The following EXOC2 variants were observed in gnomAD, a reference collection of about 807,000 sequenced individuals.
The protein encoded by EXOC2 is SEC5-like 1.
Under a neutral mutation model 131.8 loss-of-function variants are expected in EXOC2, and 70 were observed. That is an observed-to-expected ratio of 0.53 (90% CI 0.44 to 0.65). The LOEUF (loss-of-function observed/expected upper bound fraction) is 0.65, where lower values mean the gene tolerates loss of function less well. Among genes scored for constraint, EXOC2 ranks in the 30% least tolerant of loss-of-function variants. EXOC2 has a pLI of 0.00. For missense variants in EXOC2, 923 were observed against 1,108.6 expected (o/e 0.83, Z 2.38); for synonymous variants, 411 against 398.4 (o/e 1.03, Z -0.38).
At chr6:676,397 T>G (rs9378461) in intron 1 of EXOC2, among the ~76,000 whole-genome samples, 1 of 126 alleles carries the variant, frequency 7.9e-3, no homozygotes, top group Non-Finnish European at 0.017. Context: ...CAGGTTCCTC[T>G]GGTGACTCTG....
chr6:684,866 T>C (rs538158952), intron 1 of EXOC2, among the ~76,000 whole-genome samples: 2 of 152,264 alleles, frequency 1.3e-5, no homozygotes, highest in African/African-American at 4.8e-5. Context: ...TTTTTACTAT[T>C]TAGTAATGAA....
At chr6:536,167 T>A (rs964682767) in intron 22 of EXOC2, among the ~76,000 whole-genome samples, 8 of 152,178 alleles carry the variant, frequency 5.3e-5, no homozygotes, top group Admixed American at 4.6e-4. Flanking sequence ...TCCTAGTCCA[T>A]GAGATCTGGC....
chr6:671,046 C>T, intron 1 of EXOC2, among the ~76,000 whole-genome samples: 1 of 69,470 alleles, frequency 1.4e-5, no homozygotes, highest in South Asian at 5.2e-4. Flanking sequence ...GAGACTCCAT[C>T]TCAAAAAAAA....
At chr6:531,730 G>A (rs577421609) in intron 23 of EXOC2, among the ~76,000 whole-genome samples, 1 of 152,308 alleles carries the variant, frequency 6.6e-6, no homozygotes, top group South Asian at 2.1e-4. Flanking sequence ...ATCTGCATAT[G>A]TACACCCATG....
At chr6:689,841 G>C (rs1764834759) in intron 1 of EXOC2, among the ~76,000 whole-genome samples, 2 of 152,180 alleles carry the variant, frequency 1.3e-5, no homozygotes, top group Non-Finnish European at 2.9e-5. Flanking sequence ...TATAAGACAA[G>C]TGCTAGGTGG....
intron 6 of EXOC2, among the ~76,000 whole-genome samples, chr6:613,238 T>C (rs190219929): frequency 6.4e-4 from 97 of 152,332 alleles, no homozygotes; most frequent in African/African-American, 1.5e-3. Flanking sequence ...GCAGGTGTTA[T>C]GCCAGACACA....
At chr6:497,854 C>T (rs544897256) in intron 24 of EXOC2, among the ~76,000 whole-genome samples, 15 of 152,266 alleles carry the variant, frequency 9.9e-5, no homozygotes, top group African/African-American at 3.4e-4. Flanking sequence ...TATTTTACCA[C>T]AATTTAAAAA....
intron 4 of EXOC2, among the ~76,000 whole-genome samples, chr6:620,275 G>A (rs1396444205): frequency 6.6e-6 from 1 of 152,144 alleles, no homozygotes; most frequent in Non-Finnish European, 1.5e-5. Context: ...CTTTGCTGGC[G>A]CCCCCTGCCC....
chr6:689,253 A>C (rs893522591), intron 1 of EXOC2: 3 of 148,000 alleles, frequency 2.0e-5, no homozygotes, highest in South Asian at 2.1e-4. Context: ...AAACCCAAAA[A>C]CAAAAATAAA....
At chr6:684,400 A>T (rs1420320882) in intron 1 of EXOC2, among the ~76,000 whole-genome samples, 1 of 152,198 alleles carries the variant, frequency 6.6e-6, no homozygotes, top group African/African-American at 2.4e-5. Flanking sequence ...CATCCATTTA[A>T]CATCAATTAA....
In EXOC2 at chr6:486,671, TTA is replaced by T. The variant is rs1252644506; in HGVS notation, c.2773_2774del (p.Ter925AsnfsTer14). On this transcript the variant is annotated frameshift_variant and stop_lost, in exon 28 of 28. Transcript: ENST00000230449. LOFTEE classifies it high-confidence loss of function. ...QAASSTMMKT[*>X] Reference sequence around the variant, plus strand: ...TGGACTTCTTTTATGTGGCAGATATTTATGTTTTCATCATGGTTGAAGAAGCT... The same window carrying T: ...TGGACTTCTTTTATGTGGCAGATATTTGTTTTCATCATGGTTGAAGAAGCT... The T allele has an allele frequency of 5.6e-6, 9 of 1,613,616 alleles. No individual in the cohort carries two copies. The highest frequency in any genetic ancestry group is 6.8e-6 in the Non-Finnish European group (8 of 1,179,602).
At chr6:617,670 T>A (rs1344014200) in intron 6 of EXOC2, 41 bp downstream of exon 6, 16 of 1,594,804 alleles carry the variant, frequency 1.0e-5, no homozygotes, top group African/African-American at 1.3e-5. Flanking sequence ...CGGGTTTCCA[T>A]GGCGGAAGCT....
At chr6:597,969 A>G in intron 10 of EXOC2, 52 bp downstream of exon 10, 1 of 1,343,650 alleles carries the variant, frequency 7.4e-7, no homozygotes, top group South Asian at 1.2e-5. Context: ...CAAGATGCAT[A>G]CAGTACCAAA....
In EXOC2 at chr6:486,136, A is replaced by G. The variant is rs1020861926; in HGVS notation, c.*535T>C. On this transcript the variant is annotated 3_prime_UTR_variant, in exon 28 of 28. Coordinates refer to ENST00000230449, the MANE Select transcript of EXOC2 (RefSeq NM_018303.6). Reference sequence around the variant, plus strand: ...TGTAATATGTATTTTAATGGAGACCATAAATTTTTCCAAAAACCCGCTTGA... The same window carrying G: ...TGTAATATGTATTTTAATGGAGACCGTAAATTTTTCCAAAAACCCGCTTGA... 2.6e-5 allele frequency: 4 copies of G among 152,314 alleles called. No individual in the cohort carries two copies. The highest frequency in any genetic ancestry group is 9.6e-5 in the African/African-American group (4 of 41,464). The allele number at this position is 152,314 out of a possible 1,614,324, so 9.4% of individuals were successfully genotyped here.
At chr6:657,209 A>G (rs1276977264) in intron 1 of EXOC2, 3 of 358,490 alleles carry the variant, frequency 8.4e-6, no homozygotes, top group Admixed American at 9.2e-5. Context: ...CACTCCGGTT[A>G]TAAGAAGAGT....
At chr6:622,554 G>C (rs1761345966) in intron 4 of EXOC2, among the ~76,000 whole-genome samples, 1 of 152,178 alleles carries the variant, frequency 6.6e-6, no homozygotes, top group African/African-American at 2.4e-5. Flanking sequence ...ATGGTAGCAA[G>C]TAACGCAAGA....
intron 23 of EXOC2, among the ~76,000 whole-genome samples, chr6:507,011 TACAC>T (rs150515907): frequency 6.7e-6 from 1 of 148,578 alleles, no homozygotes; most frequent in Non-Finnish European, 1.5e-5. Flanking sequence ...TAGCAGGGAC[TACAC>T]ACACACACAC....
At chr6:491,511 A>G (rs1247539787) in intron 25 of EXOC2, among the ~76,000 whole-genome samples, 1 of 152,278 alleles carries the variant, frequency 6.6e-6, no homozygotes, top group East Asian at 1.9e-4. Context: ...TTTTTCTTTT[A>G]GTCTTGCAAG....
At chr6:488,133 C>T (rs1197740376) in intron 27 of EXOC2, among the ~76,000 whole-genome samples, 1 of 152,106 alleles carries the variant, frequency 6.6e-6, no homozygotes, top group Admixed American at 6.5e-5. Flanking sequence ...GCGGCGATGC[C>T]CCCGGGGACT....
Sources: allele counts gnomAD v4.1 joint callset (sites outside exome capture counted in the v4.1 genomes callset), GRCh38; gene constraint gnomAD v4.1.1; transcripts MANE v1.5; gene names NCBI Gene and HGNC (gene_info 2026-07-23, HGNC 2026-07-21).